Variants in SLC4A4 observed in about 807,000 individuals in gnomAD.
The protein encoded by SLC4A4 is solute carrier family 4 member 4, also known as electrogenic sodium bicarbonate cotransporter 1.
A neutral mutation model predicts 111.5 loss-of-function variants in SLC4A4; 27 were observed. The ratio of observed to expected loss-of-function variants is 0.24; its 90% CI spans 0.18 to 0.33. The LOEUF is 0.33. Ranked by LOEUF, SLC4A4 falls within the 10% of genes least tolerant of loss-of-function variation. The probability of loss-of-function intolerance (pLI) is 1.00; values close to 1 mark genes in which losing one functional copy is unlikely to be tolerated. For missense variants in SLC4A4, 909 were observed against 1,315.5 expected (o/e 0.69, Z 4.78); for synonymous variants, 443 against 463.4 (o/e 0.96, Z 0.57).
chr4:71,229,356 G>T (rs907994271), intron 1 of SLC4A4, among the ~76,000 whole-genome samples: 1 of 152,228 alleles, frequency 6.6e-6, no homozygotes, highest in Non-Finnish European at 1.5e-5. Flanking sequence ...TAAAGCTGCT[G>T]TAAACATTCA....
At chr4:71,075,953 A>C (rs1006099467) in intron 1 of SLC4A4, among the ~76,000 whole-genome samples, 1 of 143,044 alleles carries the variant, frequency 7.0e-6, no homozygotes, top group Non-Finnish European at 1.5e-5. Context: ...GCGAGACTCC[A>C]TCTCTAAATA....
chr4:71,385,017 T>TA (rs2148956941), intron 6 of SLC4A4, among the ~76,000 whole-genome samples: 1 of 151,232 alleles, frequency 6.6e-6, no homozygotes, highest in East Asian at 1.9e-4. Flanking sequence ...CCCCAGAACT[T>TA]AAAAGTATAA....
In SLC4A4 at chr4:71,333,930, A is replaced by G. The variant is rs542889514; in HGVS notation, c.254-5440A>G. ...AGGGAAGTGGGCTCTTCTCTGGCCC[A>G]GGGCAGGTCCAGAAATGCTGTCTAA... On this transcript the variant is annotated intron_variant, in intron 3 of 25. Coordinates refer to ENST00000264485, the MANE Select transcript of SLC4A4 (RefSeq NM_001098484.3). Among the ~76,000 whole-genome samples, 50 of 150,940 alleles carry G rather than the reference A, an allele frequency of 3.3e-4. 2 individuals are homozygous for G. In the East Asian group the frequency reaches 9.6e-3, roughly 29 times the overall value.
At chr4:71,384,205 C>T (rs911818283) in intron 6 of SLC4A4, among the ~76,000 whole-genome samples, 32 of 152,138 alleles carry the variant, frequency 2.1e-4, no homozygotes, top group Non-Finnish European at 3.2e-4. Flanking sequence ...AGCTGAATTG[C>T]GTAATTAATC....
chr4:71,258,510 T>C (rs1721618896), intron 3 of SLC4A4, among the ~76,000 whole-genome samples: 3 of 152,204 alleles, frequency 2.0e-5, no homozygotes, highest in African/African-American at 2.4e-5. Context: ...CAGGTTGTCT[T>C]GTTCACTTTG....
intron 3 of SLC4A4, among the ~76,000 whole-genome samples, chr4:71,267,791 C>CAAAAAAAAAAAAAAAAAAAAAAAA (rs71212002): frequency 1.6e-5 from 1 of 62,362 alleles, no homozygotes; most frequent in Admixed American, 2.8e-4. Flanking sequence ...GAGAGTCTGC[C>CAAAAAAAAAAAAAAAAAAAAAAAA]AAAAAAAAAA....
chr4:71,536,464 A>ATATATATATATATATG (rs1491184065), intron 18 of SLC4A4, among the ~76,000 whole-genome samples: 2 of 53,330 alleles, frequency 3.8e-5, no homozygotes, highest in East Asian at 1.0e-3. Context: ...ATACATATAT[A>ATATATATATATATATG]CATATATATA....
intron 7 of SLC4A4, among the ~76,000 whole-genome samples, chr4:71,438,744 C>T (rs996381919): frequency 1.3e-5 from 2 of 152,082 alleles, no homozygotes; most frequent in Non-Finnish European, 2.9e-5. Context: ...ATCACCATCT[C>T]CTTTATAATT....
intron 8 of SLC4A4, among the ~76,000 whole-genome samples, chr4:71,444,969 C>T (rs1293138927): frequency 6.6e-6 from 1 of 152,104 alleles, no homozygotes; most frequent in Non-Finnish European, 1.5e-5. Context: ...GGTATGTCCA[C>T]CATGTTGGTT....
intron 2 of SLC4A4, among the ~76,000 whole-genome samples, chr4:71,127,539 C>T (rs1187263744): frequency 6.6e-6 from 1 of 151,992 alleles, no homozygotes; most frequent in Non-Finnish European, 1.5e-5. Flanking sequence ...ACATTGTCAC[C>T]AAGTGTTATA....
chr4:71,180,367 A>C (rs1274966867), intron 2 of SLC4A4, among the ~76,000 whole-genome samples: 1 of 152,232 alleles, frequency 6.6e-6, no homozygotes, highest in Non-Finnish European at 1.5e-5. Flanking sequence ...TAATTAAACT[A>C]AAGAGCTTCC....
chr4:71,501,949 C>A (rs1050240306), intron 16 of SLC4A4, among the ~76,000 whole-genome samples: 1 of 151,808 alleles, frequency 6.6e-6, no homozygotes, highest in African/African-American at 2.4e-5. Flanking sequence ...AGGCGTGAAC[C>A]ACCATGCCTG....
chr4:71,231,575 G>C (rs901785719), intron 1 of SLC4A4, among the ~76,000 whole-genome samples: 2 of 152,210 alleles, frequency 1.3e-5, no homozygotes, highest in Non-Finnish European at 2.9e-5. Flanking sequence ...ACGGTCAGAG[G>C]CCTGGCTGAA....
intron 1 of SLC4A4, among the ~76,000 whole-genome samples, chr4:71,073,107 C>T (rs1006412804): frequency 6.6e-6 from 1 of 152,072 alleles, no homozygotes; most frequent in Non-Finnish European, 1.5e-5. Context: ...TGTATTAATA[C>T]ATATGAAGGC....
At chr4:71,218,985 A>G (rs961384365) in intron 1 of SLC4A4, among the ~76,000 whole-genome samples, 1 of 152,148 alleles carries the variant, frequency 6.6e-6, no homozygotes, top group Non-Finnish European at 1.5e-5. Flanking sequence ...ATCAATGTCT[A>G]GTAATACAAG....
At chr4:71,160,999 A>T (rs891737991) in intron 2 of SLC4A4, among the ~76,000 whole-genome samples, 9 of 152,196 alleles carry the variant, frequency 5.9e-5, no homozygotes, top group Admixed American at 3.3e-4. Context: ...AAACATTGCA[A>T]ATAAACCGTA....
chr4:71,564,948 C>G (rs926984341), intron 24 of SLC4A4, among the ~76,000 whole-genome samples: 1 of 151,780 alleles, frequency 6.6e-6, no homozygotes, highest in African/African-American at 2.4e-5. Context: ...GGCTCAGAGT[C>G]TCTCATGAGA....
chr4:71,415,693 G>A (rs182325448), intron 7 of SLC4A4, among the ~76,000 whole-genome samples: 3 of 152,242 alleles, frequency 2.0e-5, no homozygotes, highest in Admixed American at 1.3e-4. Context: ...TCAAATTCTC[G>A]TGTTGTGTGT....
intron 18 of SLC4A4, among the ~76,000 whole-genome samples, chr4:71,546,029 T>A (rs1408104611): frequency 6.6e-6 from 1 of 152,060 alleles, no homozygotes; most frequent in African/African-American, 2.4e-5. Flanking sequence ...GGCATATATA[T>A]CTCCATTGTT....
Sources: gnomAD v4.1 joint callset for allele counts (sites outside exome capture counted in the v4.1 genomes callset) on GRCh38, gnomAD v4.1.1 for gene constraint, MANE v1.5 for transcripts, NCBI Gene and HGNC (gene_info 2026-07-23, HGNC 2026-07-21) for gene names.